The following MLLT3 variants were observed in gnomAD, a reference collection of about 807,000 sequenced individuals.
The protein encoded by MLLT3 is MLLT3 super elongation complex subunit.
MLLT3 carries 4 observed loss-of-function variants against 53.2 expected under a neutral mutation model. The ratio of observed to expected loss-of-function variants is 0.08; its 90% CI spans 0.04 to 0.17. MLLT3 has a LOEUF of 0.17. Among genes scored for constraint, MLLT3 ranks in the 10% least tolerant of loss-of-function variants. MLLT3 has a pLI of 1.00. For synonymous variants in MLLT3, 283 were observed against 230.6 expected (o/e 1.23, Z -2.06); for missense variants, 569 against 684.0 (o/e 0.83, Z 1.87).
Position 20,413,808 on chromosome 9 carries a change from C to A in MLLT3, c.1038G>T (p.Glu346Asp). The change falls in exon 5 of 11, where the codon GAG becomes GAT. Residue 346 changes from glutamate (E) to aspartate (D), a missense_variant. By Grantham distance (45) the Glu-to-Asp change is conservative. Around this residue, in one of 5 missense-constraint regions of MLLT3, gnomAD observed 437 missense variants for 376.5 expected, o/e 1.16. Transcript: ENST00000380338. ...ATGGCGGTAACGTTGATTTCTTCTT[C>A]TCTGATGTCTCACTTTCAATTTTGA... ...GKVKIESETSEKKKSTLPPFD... is the reference protein window; with the variant it reads ...GKVKIESETSDKKKSTLPPFD... 6.2e-7 allele frequency: 1 copy of A among 1,613,986 alleles called. No individual in the cohort carries two copies. Among genetic ancestry groups the A allele is most frequent in the Non-Finnish European group, 8.5e-7 (1 of 1,179,966 alleles).
At chr9:20,548,028 TG>T (rs1253321976) in intron 2 of MLLT3, among the ~76,000 whole-genome samples, 3 of 152,256 alleles carry the variant, frequency 2.0e-5, no homozygotes, top group African/African-American at 7.2e-5. Flanking sequence ...AATTTTCATT[TG>T]ACTACTTGAC....
intron 5 of MLLT3, among the ~76,000 whole-genome samples, chr9:20,383,147 C>T (rs1821944638): frequency 6.6e-6 from 1 of 151,776 alleles, no homozygotes; most frequent in African/African-American, 2.4e-5. Flanking sequence ...TTAACTACAC[C>T]TACAACACTA....
intron 4 of MLLT3, among the ~76,000 whole-genome samples, chr9:20,434,408 A>G (rs1586946634): frequency 6.6e-6 from 1 of 152,268 alleles, no homozygotes; most frequent in South Asian, 2.1e-4. Context: ...TTTTTTTTAA[A>G]TTATAAAGTA....
Position 20,360,636 on chromosome 9 carries a change from A to C in MLLT3, c.1431+106T>G, listed in dbSNP as rs1587152644. On this transcript the variant is annotated intron_variant, in intron 8 of 10. Transcript: ENST00000380338. ...GCCTCCCTCCCATCTATTTGGCATC[A>C]AGAGGAAGTTTGTTTAAAATTCAGG... 4.5e-6 allele frequency: 4 copies of C among 881,930 alleles called. No homozygotes were observed. In the East Asian group the frequency reaches 1.0e-4, roughly 23 times the overall value. 54.6% of individuals were successfully genotyped at this position (881,930 alleles called of 1,614,324 possible).
intron 2 of MLLT3, among the ~76,000 whole-genome samples, chr9:20,521,074 TTTC>T (rs1404680790): frequency 1.6e-5 from 2 of 121,436 alleles, no homozygotes; most frequent in Non-Finnish European, 3.6e-5. Context: ...TTTTTTGTTC[TTTC>T]TTTTTTTTTT....
In MLLT3 at chr9:20,440,850, T is replaced by C. The variant is rs762421493; in HGVS notation, c.420+7273A>G. 4.8e-4 allele frequency among the ~76,000 whole-genome samples: 73 copies of C among 152,280 alleles called. 1 individual carries two copies. Among genetic ancestry groups the C allele is most frequent in the African/African-American group, 1.4e-3 (60 of 41,576 alleles). ...CTTATTTTCTTGGCTTTTTGTGCAA[T>C]TGGGGACAGGAGGTAGTAGCAGGAT... On this transcript the variant is annotated intron_variant, in intron 4 of 10. Transcript: ENST00000380338.
At chr9:20,545,695 G>A (rs1818768602) in intron 2 of MLLT3, among the ~76,000 whole-genome samples, 1 of 151,968 alleles carries the variant, frequency 6.6e-6, no homozygotes, top group African/African-American at 2.4e-5. Context: ...AGCCCGAGCA[G>A]CAAATCTATT....
intron 2 of MLLT3, among the ~76,000 whole-genome samples, chr9:20,517,070 T>C (rs764560493): frequency 1.3e-5 from 2 of 152,210 alleles, no homozygotes; most frequent in South Asian, 2.1e-4. Flanking sequence ...TCAATAAGCA[T>C]TGATTTACTG....
chr9:20,371,642 A>G (rs1050292494), intron 5 of MLLT3, among the ~76,000 whole-genome samples: 1 of 152,196 alleles, frequency 6.6e-6, no homozygotes, highest in Admixed American at 6.5e-5. Context: ...ACAATAAAAG[A>G]TCCGTTTCAA....
intron 5 of MLLT3, among the ~76,000 whole-genome samples, chr9:20,386,477 C>T (rs936160258): frequency 1.1e-4 from 16 of 152,202 alleles, no homozygotes; most frequent in African/African-American, 3.9e-4. Context: ...GAAAGACCAA[C>T]AAGGAGTTGA....
chr9:20,469,530 G>A (rs1824321722), intron 2 of MLLT3, among the ~76,000 whole-genome samples: 1 of 152,010 alleles, frequency 6.6e-6, no homozygotes, highest in Admixed American at 6.6e-5. Flanking sequence ...ATAGGTTGAT[G>A]AATAGGTTTA....
intron 4 of MLLT3, among the ~76,000 whole-genome samples, chr9:20,430,676 ATATC>A (rs1205428589): frequency 2.6e-5 from 4 of 152,178 alleles, no homozygotes; most frequent in African/African-American, 9.6e-5. Flanking sequence ...ATTCAGGAGA[ATATC>A]TATATGACCT....
chr9:20,445,602 G>C (rs906844385), intron 4 of MLLT3, among the ~76,000 whole-genome samples: 1 of 152,166 alleles, frequency 6.6e-6, no homozygotes, highest in Non-Finnish European at 1.5e-5. Flanking sequence ...CAACCTTTCT[G>C]ATCTCTTGAA....
At chr9:20,409,272 T>G (rs1822663498) in intron 5 of MLLT3, among the ~76,000 whole-genome samples, 1 of 152,218 alleles carries the variant, frequency 6.6e-6, no homozygotes, top group African/African-American at 2.4e-5. Flanking sequence ...AATTTTCATT[T>G]ACTGTTTTTT....
In MLLT3 at chr9:20,448,308, G is replaced by A. The variant is rs753863919; in HGVS notation, c.277-42C>T. 3.2e-6 allele frequency: 5 copies of A among 1,584,542 alleles called. No individual in the cohort carries two copies. Among genetic ancestry groups the A allele is most frequent in the Non-Finnish European group, 4.3e-6 (5 of 1,165,828 alleles). Reference sequence around the variant, plus strand: ...ATTATGAAAGAAAAAAGAGAGTGAGGCATAAGTGAAATTTTAAAAGCAAAA... The same window carrying A: ...ATTATGAAAGAAAAAAGAGAGTGAGACATAAGTGAAATTTTAAAAGCAAAA... On this transcript the variant is annotated intron_variant, in intron 3 of 10. Coordinates refer to ENST00000380338, the MANE Select transcript of MLLT3 (RefSeq NM_004529.4). This position sits in a 1 kb window ranked among gnomAD's most constrained non-coding sequence, Gnocchi z 4.0.
At chr9:20,375,187 T>C (rs563087437) in intron 5 of MLLT3, among the ~76,000 whole-genome samples, 1 of 152,334 alleles carries the variant, frequency 6.6e-6, no homozygotes, top group African/African-American at 2.4e-5. Context: ...CAGGGTGCAT[T>C]TTAGATCAAT....
intron 2 of MLLT3, among the ~76,000 whole-genome samples, chr9:20,547,743 G>C (rs1261790424): frequency 6.6e-6 from 1 of 151,750 alleles, no homozygotes; most frequent in Non-Finnish European, 1.5e-5. Flanking sequence ...TTGGGCCCAG[G>C]AGTTCAAGAC....
chr9:20,600,514 T>A (rs1358686287), intron 2 of MLLT3, among the ~76,000 whole-genome samples: 1 of 152,218 alleles, frequency 6.6e-6, no homozygotes, highest in East Asian at 1.9e-4. Context: ...CCCATCTGAG[T>A]GTTCACACTC....
chr9:20,365,156 A>G (rs1432662386), intron 6 of MLLT3, among the ~76,000 whole-genome samples: 2 of 152,214 alleles, frequency 1.3e-5, no homozygotes, highest in South Asian at 2.1e-4. Context: ...TGTAGCAATG[A>G]CAATCTGATG....
Sources: allele counts gnomAD v4.1 joint callset (sites outside exome capture counted in the v4.1 genomes callset), GRCh38; gene constraint gnomAD v4.1.1; regional missense constraint gnomAD v4.1.1; non-coding constraint Gnocchi (gnomAD v3.1); transcripts MANE v1.5; gene names NCBI Gene and HGNC (gene_info 2026-07-23, HGNC 2026-07-21).